The following CADM2 variants were observed in gnomAD, a reference collection of about 807,000 sequenced individuals.
CADM2 encodes the protein immunoglobulin superfamily member 4D.
A neutral mutation model predicts 49.8 loss-of-function variants in CADM2; 12 were observed. The observed-to-expected ratio is 0.24, with a 90% CI of 0.15 to 0.39. The LOEUF is 0.39. CADM2 is among the 10% of genes least tolerant of loss of function. The pLI is 1.00. For missense variants in CADM2, 378 were observed against 492.3 expected (o/e 0.77, Z 2.20); for synonymous variants, 214 against 175.4 (o/e 1.22, Z -1.74).
At chr3:86,011,086 T>C (rs1731447848) in intron 8 of CADM2, among the ~76,000 whole-genome samples, 1 of 152,026 alleles carries the variant, frequency 6.6e-6, no homozygotes, top group African/African-American at 2.4e-5. Flanking sequence ...ATTCCAGGCA[T>C]GGAGAAGAAG....
At chr3:85,171,973 C>T (rs915126881) in intron 1 of CADM2, among the ~76,000 whole-genome samples, 14 of 152,224 alleles carry the variant, frequency 9.2e-5, no homozygotes, top group Admixed American at 7.2e-4. Context: ...GCATAATAAA[C>T]TTGAATTTTA....
At chr3:85,232,964 T>C (rs1343720335) in intron 1 of CADM2, among the ~76,000 whole-genome samples, 2 of 152,212 alleles carry the variant, frequency 1.3e-5, no homozygotes, top group Admixed American at 1.3e-4. Context: ...GTAACTTTAT[T>C]CATAATTGCC....
Position 85,513,587 on chromosome 3 carries a change from C to CT in CADM2, c.62-212932dup, listed in dbSNP as rs1348604018. ...ATAAAAACCTCAACAGCAAAATATT[C>CT]TTTATCATATTATAAATCAGCTTAT... On this transcript the variant is annotated intron_variant, in intron 1 of 9. Coordinates refer to ENST00000383699, the MANE Select transcript of CADM2 (RefSeq NM_001167675.2). Among the ~76,000 whole-genome samples the CT allele has an allele frequency of 3.3e-5, 5 of 151,934 alleles. No individual in the cohort carries two copies. The South Asian group carries it at 1.0e-3, about 32-fold the overall frequency.
chr3:85,363,146 T>C (rs531811817), intron 1 of CADM2, among the ~76,000 whole-genome samples: 1 of 152,280 alleles, frequency 6.6e-6, no homozygotes, highest in Non-Finnish European at 1.5e-5. Context: ...TATAAACTTG[T>C]TAAGAAAATA....
intron 8 of CADM2, among the ~76,000 whole-genome samples, chr3:85,977,912 C>G (rs1010493455): frequency 6.6e-6 from 1 of 151,442 alleles, no homozygotes; most frequent in African/African-American, 2.4e-5. Flanking sequence ...GAAAATTCAG[C>G]GGGTAGAGTC....
chr3:85,117,621 CATAAT>C (rs930001243), intron 1 of CADM2, among the ~76,000 whole-genome samples: 1 of 152,040 alleles, frequency 6.6e-6, no homozygotes, highest in African/African-American at 2.4e-5. Flanking sequence ...AAATGATAAA[CATAAT>C]ATCACTAATG....
intron 1 of CADM2, among the ~76,000 whole-genome samples, chr3:85,482,213 C>T (rs1233532978): frequency 6.6e-6 from 1 of 151,660 alleles, no homozygotes; most frequent in Non-Finnish European, 1.5e-5. Context: ...CACAGGCCTG[C>T]TACCAGGAGG....
chr3:85,070,933 G>A (rs1225877613), intron 1 of CADM2, among the ~76,000 whole-genome samples: 1 of 151,620 alleles, frequency 6.6e-6, no homozygotes, highest in African/African-American at 2.4e-5. Flanking sequence ...AAGTTGCAGT[G>A]AGCCGAGATC....
At chr3:85,195,110 A>G (rs1221096072) in intron 1 of CADM2, among the ~76,000 whole-genome samples, 1 of 152,110 alleles carries the variant, frequency 6.6e-6, no homozygotes, top group African/African-American at 2.4e-5. Flanking sequence ...AAGTACTCAA[A>G]GTCTTGCATA....
At chr3:85,830,457 T>C (rs747369765) in intron 3 of CADM2, among the ~76,000 whole-genome samples, 1 of 152,034 alleles carries the variant, frequency 6.6e-6, no homozygotes, top group African/African-American at 2.4e-5. Context: ...TCAAATAGTT[T>C]CTACCATCCC....
At chr3:85,170,192 A>AT (rs1404210632) in intron 1 of CADM2, among the ~76,000 whole-genome samples, 4 of 152,112 alleles carry the variant, frequency 2.6e-5, no homozygotes, top group African/African-American at 4.8e-5. Context: ...TCTGGGTCAG[A>AT]TTTTTTATTT....
At chr3:85,688,132 A>G (rs1166154312) in intron 1 of CADM2, among the ~76,000 whole-genome samples, 2 of 152,224 alleles carry the variant, frequency 1.3e-5, no homozygotes, top group African/African-American at 4.8e-5. Flanking sequence ...GGTTGGGGAC[A>G]GGTTGTCTAG....
intron 1 of CADM2, among the ~76,000 whole-genome samples, chr3:85,088,767 A>G (rs934732995): frequency 1.3e-5 from 2 of 152,200 alleles, no homozygotes; most frequent in African/African-American, 2.4e-5. Flanking sequence ...CTTTAGAAAG[A>G]AAGATATTAT....
chr3:85,991,601 G>A (rs1430393909), intron 8 of CADM2, among the ~76,000 whole-genome samples: 1 of 152,094 alleles, frequency 6.6e-6, no homozygotes, highest in Non-Finnish European at 1.5e-5. Flanking sequence ...GATGCCAAGT[G>A]CATGATATGC....
chr3:85,561,385 C>T (rs1014210397), intron 1 of CADM2, among the ~76,000 whole-genome samples: 5 of 152,038 alleles, frequency 3.3e-5, no homozygotes, highest in African/African-American at 1.2e-4. Context: ...GTTTGATGTT[C>T]GATTTGAGGA....
chr3:85,445,763 A>G (rs921196964), intron 1 of CADM2, among the ~76,000 whole-genome samples: 18 of 152,180 alleles, frequency 1.2e-4, no homozygotes, highest in Non-Finnish European at 5.9e-5. Context: ...AAGTACAAAC[A>G]GAGTGCAGTT....
chr3:85,582,388 T>C (rs1464373867), intron 1 of CADM2, among the ~76,000 whole-genome samples: 1 of 152,200 alleles, frequency 6.6e-6, no homozygotes, highest in Non-Finnish European at 1.5e-5. Flanking sequence ...AACTGATTCA[T>C]TGATCTGCTT....
intron 1 of CADM2, among the ~76,000 whole-genome samples, chr3:85,355,975 T>C (rs911425065): frequency 6.6e-6 from 1 of 152,150 alleles, no homozygotes; most frequent in Non-Finnish European, 1.5e-5. Context: ...GGTGGAGATA[T>C]AAATGTTGTG....
At chr3:86,025,918 G>C (rs1169972766) in intron 8 of CADM2, among the ~76,000 whole-genome samples, 1 of 152,040 alleles carries the variant, frequency 6.6e-6, no homozygotes, top group East Asian at 1.9e-4. Context: ...AATATAATGT[G>C]GCTCAAAGGA....
Sources: gnomAD v4.1 joint callset for allele counts (sites outside exome capture counted in the v4.1 genomes callset) on GRCh38, gnomAD v4.1.1 for gene constraint, MANE v1.5 for transcripts, NCBI Gene and HGNC (gene_info 2026-07-23, HGNC 2026-07-21) for gene names.